CNKSR2: variants seen among roughly 807,000 people sequenced by gnomAD.
CNKSR2 encodes connector enhancer of kinase suppressor of Ras 2, also known as CNK homolog protein 2.
Under a neutral mutation model 84.4 loss-of-function variants are expected in CNKSR2, and 14 were observed. The ratio of observed to expected loss-of-function variants is 0.17; its 90% CI spans 0.11 to 0.26. The LOEUF (loss-of-function observed/expected upper bound fraction) is 0.26. Ranked by LOEUF, CNKSR2 falls within the 10% of genes least tolerant of loss-of-function variation. CNKSR2 has a pLI of 1.00. For missense variants in CNKSR2, 485 were observed against 771.2 expected (o/e 0.63, Z 4.40); for synonymous variants, 275 against 277.9 (o/e 0.99, Z 0.10).
intron 9 of CNKSR2, among the ~76,000 whole-genome samples, chrX:21,517,536 A>G (rs936739862): frequency 9.0e-6 from 1 of 111,554 alleles, no homozygotes; most frequent in Non-Finnish European, 1.9e-5. Flanking sequence ...TACTCTTAAC[A>G]TTGATAATAT....
chrX:21,380,310 C>T (rs753563150), intron 1 of CNKSR2, among the ~76,000 whole-genome samples: 209 of 111,139 alleles, frequency 1.9e-3, no homozygotes, highest in African/African-American at 6.1e-3. Context: ...TTAGATATTT[C>T]GAATTTTACT....
intron 4 of CNKSR2, among the ~76,000 whole-genome samples, chrX:21,465,597 C>CA (rs2091116615): frequency 9.1e-6 from 1 of 110,160 alleles, no homozygotes; most frequent in Non-Finnish European, 1.9e-5. Flanking sequence ...TAAAAGTATA[C>CA]AATATATACA....
At chrX:21,544,242 G>T in intron 11 of CNKSR2, among the ~76,000 whole-genome samples, 1 of 111,099 alleles carries the variant, frequency 9.0e-6, no homozygotes. Flanking sequence ...GTTTGATTTT[G>T]CAAACCAAAG....
At chrX:21,451,064 G>C (rs1187670474) in intron 4 of CNKSR2, among the ~76,000 whole-genome samples, 2 of 111,826 alleles carry the variant, frequency 1.8e-5, no homozygotes, top group Non-Finnish European at 3.8e-5. Flanking sequence ...GGCTTTATGA[G>C]TTGCATTTTT....
At chrX:21,398,665 G>T (rs1333135405) in intron 1 of CNKSR2, among the ~76,000 whole-genome samples, 1 of 111,880 alleles carries the variant, frequency 8.9e-6, no homozygotes, top group African/African-American at 3.3e-5. Flanking sequence ...ATTGGCAGCC[G>T]CCTGGGCTCT....
intron 2 of CNKSR2, chrX:21,427,551 A>G (rs1422823730): frequency 9.0e-6 from 1 of 111,727 alleles, no homozygotes; most frequent in Non-Finnish European, 1.9e-5. Context: ...TGCTATTGGG[A>G]CTATATCTTT....
intron 11 of CNKSR2, among the ~76,000 whole-genome samples, chrX:21,550,496 G>A (rs2092076938): frequency 8.9e-6 from 1 of 112,313 alleles, no homozygotes; most frequent in African/African-American, 3.2e-5. Flanking sequence ...AACCATTGTG[G>A]AAGACAGTGT....
At chrX:21,432,273 AATT>A (rs2090643866) in intron 2 of CNKSR2, among the ~76,000 whole-genome samples, 1 of 112,036 alleles carries the variant, frequency 8.9e-6, no homozygotes, top group Non-Finnish European at 1.9e-5. Context: ...TGTTGATAAT[AATT>A]AATTTCACAA....
chrX:21,626,007 A>G (rs1320225450), intron 20 of CNKSR2, among the ~76,000 whole-genome samples: 1 of 111,940 alleles, frequency 8.9e-6, no homozygotes, highest in African/African-American at 3.2e-5. Flanking sequence ...AAAGATTTTA[A>G]AATTACAGAA....
intron 11 of CNKSR2, among the ~76,000 whole-genome samples, chrX:21,556,985 C>G (rs755915515): frequency 3.3e-4 from 36 of 109,349 alleles, no homozygotes; most frequent in Non-Finnish European, 6.3e-4. Context: ...TTGAGTAGGT[C>G]GGAGGGAATA....
intron 11 of CNKSR2, among the ~76,000 whole-genome samples, chrX:21,551,108 C>G (rs2147165309): frequency 9.1e-6 from 1 of 110,107 alleles, no homozygotes; most frequent in South Asian, 4.0e-4. Flanking sequence ...AGCAAACTAA[C>G]ACAGGAACAG....
At chrX:21,454,269 C>G (rs1646364638) in intron 4 of CNKSR2, among the ~76,000 whole-genome samples, 1 of 111,709 alleles carries the variant, frequency 9.0e-6, no homozygotes, top group Non-Finnish European at 1.9e-5. Context: ...ATATTAAGTG[C>G]AATGAAGTCT....
At position 21,561,357 on chromosome X, in the gene CNKSR2, T is replaced by C; in HGVS notation, c.1304-114T>C. On this transcript the variant is annotated intron_variant, in intron 11 of 21. Coordinates refer to ENST00000379510, the MANE Select transcript of CNKSR2 (RefSeq NM_014927.5). ...TCTCCATCTACACAAATGCCAACCA[T>C]AATGTTGCATAAGAGTGAGTGTGTT... 2 of 582,404 alleles carry C rather than the reference T, an allele frequency of 3.4e-6. 1 individual carries two copies. The highest frequency in any genetic ancestry group is 6.4e-4 in the Middle Eastern group (2 of 3,147). The allele number at this position is 582,404 out of a possible 1,213,427, so 48.0% of individuals were successfully genotyped here.
chrX:21,469,286 C>A (rs2091167315), intron 4 of CNKSR2, among the ~76,000 whole-genome samples: 1 of 111,984 alleles, frequency 8.9e-6, no homozygotes, highest in Non-Finnish European at 1.9e-5. Context: ...CCCAGATTAT[C>A]TCTCCTTTGG....
intron 1 of CNKSR2, among the ~76,000 whole-genome samples, chrX:21,421,249 TG>T (rs2090491476): frequency 9.2e-6 from 1 of 109,063 alleles, no homozygotes; most frequent in African/African-American, 3.4e-5. Flanking sequence ...TACCACTGCC[TG>T]GGCTTCAGGA....
At position 21,405,476 on chromosome X, in the gene CNKSR2, T is replaced by C. The variant is rs780885953; in HGVS notation, c.65-21021T>C. Among the ~76,000 whole-genome samples the C allele has an allele frequency of 2.6e-4, 29 of 111,938 alleles. No individual in the cohort carries two copies. The Admixed American group carries it at 2.7e-3, about 10-fold the overall frequency. On this transcript the variant is annotated intron_variant, in intron 1 of 21. Transcript: ENST00000379510. ...GGCTTTGCTGAGTATGGGGAAGTTA[T>C]TGAATACTGCTCTTGTATTTGACTA...
rs56377458 is a variant in CNKSR2 at position 21,433,653 on chromosome X, T to TACACACAC, written c.431+874_431+881dup. On this transcript the variant is annotated intron_variant, in intron 3 of 21. Coordinates refer to ENST00000379510, the MANE Select transcript of CNKSR2 (RefSeq NM_014927.5). ...TCAGTAGGATATTCATATGTGTTCC[T>TACACACAC]ACACACACACACACACACACACACA... Among the ~76,000 whole-genome samples, 411 of 87,552 alleles carry TACACACAC rather than the reference T, an allele frequency of 4.7e-3. 3 individuals carry two copies. The highest frequency in any genetic ancestry group is 0.015 in the African/African-American group (368 of 24,331). 76.0% of individuals were successfully genotyped at this position (87,552 alleles called of 115,157 possible).
At chrX:21,634,387 T>C (rs2092660778) in intron 20 of CNKSR2, among the ~76,000 whole-genome samples, 1 of 112,272 alleles carries the variant, frequency 8.9e-6, no homozygotes, top group Non-Finnish European at 1.9e-5. Flanking sequence ...AAGGTATCTT[T>C]CATTGTCCTT....
At chrX:21,529,857 A>G (rs1361465440) in intron 10 of CNKSR2, among the ~76,000 whole-genome samples, 1 of 110,993 alleles carries the variant, frequency 9.0e-6, no homozygotes, top group Non-Finnish European at 1.9e-5. Context: ...CCTTCATATT[A>G]TTATAGGAAA....
Sources: allele counts gnomAD v4.1 joint callset (sites outside exome capture counted in the v4.1 genomes callset), GRCh38; gene constraint gnomAD v4.1.1; transcripts MANE v1.5; gene names NCBI Gene and HGNC (gene_info 2026-07-23, HGNC 2026-07-21).